Variants in LIPC observed in about 807,000 individuals in gnomAD.
The protein encoded by LIPC is lipase C, hepatic type.
In LIPC, 44 loss-of-function variants were observed where a neutral mutation model predicts 50.7. The observed-to-expected ratio is 0.87, with a 90% CI of 0.68 to 1.11. LIPC has a LOEUF of 1.11. Ranked by LOEUF, LIPC falls within the 50% of genes most tolerant of loss-of-function variation. The pLI is 0.00. For synonymous variants in LIPC, 271 were observed against 256.4 expected (o/e 1.06, Z -0.54); for missense variants, 697 against 648.2 (o/e 1.08, Z -0.82).
chr15:58,466,589 G>A (rs1452870595), intron 1 of LIPC, among the ~76,000 whole-genome samples: 1 of 152,196 alleles, frequency 6.6e-6, no homozygotes, highest in African/African-American at 2.4e-5. Context: ...TAAGAAACAA[G>A]CTGCGAAGAC....
intron 1 of LIPC, among the ~76,000 whole-genome samples, chr15:58,502,039 C>T (rs1892001663): frequency 6.6e-6 from 1 of 152,154 alleles, no homozygotes; most frequent in South Asian, 2.1e-4. Flanking sequence ...GGTGAGGCTG[C>T]AGCCAAAGAT....
At chr15:58,439,619 C>A (rs8043310) in intron 1 of LIPC, among the ~76,000 whole-genome samples, 10,598 of 152,130 alleles carry the variant, frequency 0.07, 812 homozygotes, top group East Asian at 0.24. Flanking sequence ...ATTTTTTGTA[C>A]TTTTAGTAGA....
chr15:58,557,879 T>C (rs1394246232), intron 6 of LIPC, among the ~76,000 whole-genome samples: 1 of 152,092 alleles, frequency 6.6e-6, no homozygotes, highest in Non-Finnish European at 1.5e-5. Context: ...TCCCCCACTT[T>C]GGAAAGAACT....
chr15:58,509,560 C>T (rs985954316), intron 1 of LIPC, among the ~76,000 whole-genome samples: 3 of 152,152 alleles, frequency 2.0e-5, no homozygotes, highest in Non-Finnish European at 2.9e-5. Flanking sequence ...ATATAATTTT[C>T]TATTTTTCCC....
chr15:58,567,273 G>T, intron 8 of LIPC, among the ~76,000 whole-genome samples: 1 of 81,270 alleles, frequency 1.2e-5, no homozygotes, highest in Admixed American at 1.7e-4. Flanking sequence ...ATATGTGTGT[G>T]TGTGTGTGTA....
Position 58,541,042 on chromosome 15 carries a change from C to T in LIPC, c.274-743C>T, listed in dbSNP as rs554848648. Among the ~76,000 whole-genome samples, 21 of 152,202 alleles carry T rather than the reference C, an allele frequency of 1.4e-4. No individual in the cohort carries two copies. The South Asian group carries it at 4.4e-3, about 32-fold the overall frequency. ...TCTTAAACTCCTAGGCTCAAGCAAT[C>T]CCCCTGCCTTGGCCTCCCAAAGTGC... On this transcript the variant is annotated intron_variant, in intron 2 of 8. Transcript: ENST00000299022.
intron 6 of LIPC, among the ~76,000 whole-genome samples, chr15:58,558,546 C>T (rs576085331): frequency 1.7e-4 from 26 of 152,192 alleles, no homozygotes; most frequent in Non-Finnish European, 2.4e-4. Flanking sequence ...GAGCAGTGGG[C>T]GAGCAAGCAT....
chr15:58,493,499 A>G (rs1284995455), intron 1 of LIPC, among the ~76,000 whole-genome samples: 2 of 151,220 alleles, frequency 1.3e-5, no homozygotes, highest in Non-Finnish European at 2.9e-5. Flanking sequence ...GTGTATATAT[A>G]CATATATACA....
chr15:58,432,784 G>A (rs1259789669), intron 1 of LIPC, among the ~76,000 whole-genome samples: 1 of 152,204 alleles, frequency 6.6e-6, no homozygotes, highest in African/African-American at 2.4e-5. Flanking sequence ...ACCAATAAAT[G>A]ACGGATCAGT....
At chr15:58,437,515 G>T (rs1430035166) in intron 1 of LIPC, among the ~76,000 whole-genome samples, 1 of 151,984 alleles carries the variant, frequency 6.6e-6, no homozygotes, top group Non-Finnish European at 1.5e-5. Context: ...AGGTTTGGAG[G>T]ATTTAAGTAC....
intron 6 of LIPC, among the ~76,000 whole-genome samples, chr15:58,554,157 T>C (rs1006573682): frequency 6.6e-6 from 1 of 152,122 alleles, no homozygotes; most frequent in South Asian, 2.1e-4. Context: ...GAAAAGAAAA[T>C]GTAAGTTTTT....
intron 1 of LIPC, among the ~76,000 whole-genome samples, chr15:58,525,351 T>A (rs1309909903): frequency 6.6e-6 from 1 of 152,234 alleles, no homozygotes; most frequent in Non-Finnish European, 1.5e-5. Context: ...ATCTTTACGG[T>A]ACGTGTTAGT....
intron 2 of LIPC, 170 bp from the exon 3 acceptor site, chr15:58,541,615 C>T (rs1439148013): frequency 4.2e-6 from 3 of 710,616 alleles, no homozygotes; most frequent in Non-Finnish European, 4.9e-6. Context: ...CGTACAATGC[C>T]CAAGACAGCC....
At chr15:58,530,135 G>A (rs554121955) in intron 1 of LIPC, among the ~76,000 whole-genome samples, 1 of 152,346 alleles carries the variant, frequency 6.6e-6, no homozygotes, top group South Asian at 2.1e-4. Flanking sequence ...TGAAATGCAG[G>A]CTGGGTGCAG....
In LIPC at chr15:58,432,109, G is replaced by T. The variant is rs1893143327; in HGVS notation, c.77G>T (p.Ser26Ile). The change falls in exon 1 of 9, where the codon AGC (serine) becomes ATC (isoleucine). Residue 26 changes from serine to isoleucine, a missense_variant. Ser to Ile is a moderately radical substitution (Grantham distance 142, BLOSUM62 -2). Coordinates refer to ENST00000299022, the MANE Select transcript of LIPC (RefSeq NM_000236.3). ...ATCCAATCAAGTGCCCTTGGACAAA[G>T]CCTGAAACCAGGTAAGAGCCTGACT... ...IFIQSSALGQSLKPEPFGRRA... is the reference protein window; with the variant it reads ...IFIQSSALGQILKPEPFGRRA... 1 of 1,612,778 alleles carries T rather than the reference G, an allele frequency of 6.2e-7. No homozygotes were observed. The highest frequency in any genetic ancestry group is 8.5e-7 in the Non-Finnish European group (1 of 1,178,926).
rs186360139 is a variant in LIPC at position 58,448,608 on chromosome 15, G to A, written c.88+16488G>A. Reference sequence around the variant, plus strand: ...ACCTCACTCAGCACTGGCAGAGGCCGGCAGGCCTAAGTGGGCCTTCACCAT... The same window carrying A: ...ACCTCACTCAGCACTGGCAGAGGCCAGCAGGCCTAAGTGGGCCTTCACCAT... On this transcript the variant is annotated intron_variant, in intron 1 of 8. Coordinates refer to ENST00000299022, the MANE Select transcript of LIPC (RefSeq NM_000236.3). 7.2e-5 allele frequency among the ~76,000 whole-genome samples: 11 copies of A among 152,354 alleles called. No individual in the cohort carries two copies. The East Asian group carries it at 1.2e-3, about 16-fold the overall frequency.
rs144940322 is a variant in LIPC, at chr15:58,566,339, T to G, written c.1389-2377T>G. The G allele has an allele frequency of 1.6e-3, 1,552 of 985,446 alleles. 16 individuals carry two copies. The African/African-American group carries it at 0.025, about 16-fold the overall frequency. 61.0% of individuals were successfully genotyped at this position (985,446 alleles called of 1,614,324 possible). The stretch of plus-strand genomic sequence containing the variant: ...GCTGGCAGGATCGGATGGACTCCAG[T>G]GTCAGCCAGTCCTAAACTCACATTT... On this transcript the variant is annotated intron_variant, in intron 8 of 8. Transcript: ENST00000299022.
chr15:58,471,425 G>C (rs1457468667), intron 1 of LIPC, among the ~76,000 whole-genome samples: 5 of 151,820 alleles, frequency 3.3e-5, no homozygotes, highest in Admixed American at 1.3e-4. Flanking sequence ...TGGGGTTACA[G>C]GTGTGAGCCA....
intron 1 of LIPC, among the ~76,000 whole-genome samples, chr15:58,534,784 T>A (rs1893060912): frequency 6.6e-6 from 1 of 152,204 alleles, no homozygotes; most frequent in African/African-American, 2.4e-5. Context: ...TAAGATCACA[T>A]AGTGTACATT....
Sources: allele counts gnomAD v4.1 joint callset (sites outside exome capture counted in the v4.1 genomes callset), GRCh38; gene constraint gnomAD v4.1.1; transcripts MANE v1.5; gene names NCBI Gene and HGNC (gene_info 2026-07-23, HGNC 2026-07-21).